CAST: variants seen among roughly 807,000 people sequenced by gnomAD.
CAST encodes the protein calpastatin, also known as MIR583 host.
A neutral mutation model predicts 119.6 loss-of-function variants in CAST; 76 were observed. The observed-to-expected ratio is 0.64, with a 90% CI of 0.53 to 0.77. The LOEUF (loss-of-function observed/expected upper bound fraction) is 0.77, where lower values mean the gene tolerates loss of function less well. Among genes scored for constraint, CAST ranks in the 30% least tolerant of loss-of-function variants. The pLI, the probability that CAST is intolerant of heterozygous loss-of-function variation, is 0.00. For missense variants in CAST, 953 were observed against 946.5 expected, an observed-to-expected ratio of 1.01 and a Z score of -0.09; for synonymous variants, 319 against 331.6, an observed-to-expected ratio of 0.96 and a Z score of 0.41.
intron 1 of CAST, among the ~76,000 whole-genome samples, chr5:96,648,844 C>T (rs1377498041): frequency 1.3e-5 from 2 of 152,038 alleles, no homozygotes; most frequent in Non-Finnish European, 2.9e-5. Flanking sequence ...CTCTGAGACG[C>T]CTACTCAGTA....
intron 1 of CAST, among the ~76,000 whole-genome samples, chr5:96,614,806 G>A (rs1054119284): frequency 1.5e-4 from 23 of 152,018 alleles, no homozygotes; most frequent in African/African-American, 5.6e-4. Flanking sequence ...ATCTTGTACT[G>A]CTCCCACCCT....
chr5:96,199,848 C>T, the CAST span, among the ~76,000 whole-genome samples: 1 of 152,114 alleles, frequency 6.6e-6, no homozygotes, highest in South Asian at 2.1e-4. Flanking sequence ...ATATTTTTCT[C>T]TCTCAGCTTG....
intron 2 of CAST, among the ~76,000 whole-genome samples, chr5:96,678,999 A>G (rs941944973): frequency 2.6e-5 from 4 of 151,864 alleles, no homozygotes; most frequent in Non-Finnish European, 5.9e-5. Flanking sequence ...TACCTGCAGC[A>G]ATTTTATTTT....
the CAST span, among the ~76,000 whole-genome samples, chr5:96,405,197 T>C: frequency 6.6e-6 from 1 of 152,214 alleles, no homozygotes; most frequent in Non-Finnish European, 1.5e-5. Flanking sequence ...GTCATACTTA[T>C]CTTACTGATG....
At chr5:96,063,862 C>T in the CAST span, among the ~76,000 whole-genome samples, 21 of 152,270 alleles carry the variant, frequency 1.4e-4, no homozygotes, top group Admixed American at 3.9e-4. Flanking sequence ...TGAGATTTAT[C>T]ATTCTGCCTC....
At chr5:96,033,937 A>G in the CAST span, among the ~76,000 whole-genome samples, 2 of 152,160 alleles carry the variant, frequency 1.3e-5, no homozygotes, top group African/African-American at 2.4e-5. Context: ...TAAAGAAATA[A>G]TTCAAACAAC....
At chr5:96,055,509 C>T in the CAST span, among the ~76,000 whole-genome samples, 1 of 152,104 alleles carries the variant, frequency 6.6e-6, no homozygotes, top group Non-Finnish European at 1.5e-5. Context: ...TATTTCAGGT[C>T]TGTATTCAAT....
the CAST span, among the ~76,000 whole-genome samples, chr5:96,246,711 G>T: frequency 1.0e-3 from 157 of 152,198 alleles, 2 homozygotes; most frequent in South Asian, 0.032. Context: ...CAAATTGCCA[G>T]CTTCACTCCC....
the CAST span, among the ~76,000 whole-genome samples, chr5:96,144,911 T>C: frequency 3.3e-5 from 5 of 152,106 alleles, no homozygotes; most frequent in African/African-American, 1.2e-4. Context: ...CCGAACACTT[T>C]GCTGGGTTCT....
chr5:96,764,421 G>A (rs1346115862), intron 25 of CAST, among the ~76,000 whole-genome samples: 1 of 152,136 alleles, frequency 6.6e-6, no homozygotes, highest in Non-Finnish European at 1.5e-5. Flanking sequence ...TGATATTGTT[G>A]TCCATAATTT....
the CAST span, among the ~76,000 whole-genome samples, chr5:96,205,669 A>G: frequency 1.3e-5 from 2 of 152,126 alleles, no homozygotes; most frequent in Non-Finnish European, 2.9e-5. Flanking sequence ...ATGGCTGTGT[A>G]GTATTCTATG....
chr5:96,478,838 C>T, the CAST span, among the ~76,000 whole-genome samples: 4 of 152,204 alleles, frequency 2.6e-5, no homozygotes, highest in Admixed American at 6.5e-5. Context: ...AAGCTCAACT[C>T]GGCCACTGCA....
chr5:96,627,475 A>G (rs555827925), intron 1 of CAST, among the ~76,000 whole-genome samples: 3 of 152,340 alleles, frequency 2.0e-5, no homozygotes, highest in African/African-American at 7.2e-5. Flanking sequence ...TTTCTCTCTC[A>G]AATACCATTA....
At chr5:96,695,707 C>A in intron 2 of CAST, 129 bp from the exon 3 acceptor site, 1 of 548,788 alleles carries the variant, frequency 1.8e-6, no homozygotes. Flanking sequence ...CATATGTTTA[C>A]TTTGGGTGTG....
chr5:95,987,304 CTT>C, the CAST span, among the ~76,000 whole-genome samples: 1 of 152,058 alleles, frequency 6.6e-6, no homozygotes. Context: ...CTCTCTCTCT[CTT>C]TCAGCACTAA....
chr5:95,970,140 A>G, the CAST span: 2 of 152,106 alleles, frequency 1.3e-5, no homozygotes, highest in Non-Finnish European at 2.9e-5. Context: ...GAGTGAAGGA[A>G]AAAGCTTTGG....
chr5:96,745,820 C>T (rs1763644460), intron 16 of CAST, among the ~76,000 whole-genome samples: 3 of 152,132 alleles, frequency 2.0e-5, no homozygotes, highest in Non-Finnish European at 2.9e-5. Flanking sequence ...TGTGATGGGC[C>T]GCTTCTCCCA....
At chr5:96,473,673 G>A in the CAST span, among the ~76,000 whole-genome samples, 2 of 152,310 alleles carry the variant, frequency 1.3e-5, no homozygotes, top group East Asian at 1.9e-4. Context: ...CACCTGGTAG[G>A]CTTCTCCTTA....
At position 96,771,625 on chromosome 5, in the gene CAST, G is replaced by A. The variant is rs199866388; in HGVS notation, c.2341-19G>A. 1,770 of 1,607,432 alleles carry A rather than the reference G, an allele frequency of 1.1e-3. 2 individuals carry two copies. Among genetic ancestry groups the A allele is most frequent in the Non-Finnish European group, 1.3e-3 (1,498 of 1,174,766 alleles). On this transcript the variant is annotated intron_variant, in intron 30 of 31. Coordinates refer to ENST00000675179, the MANE Select transcript of CAST (RefSeq NM_001750.7). Reference sequence around the variant, plus strand: ...ATACAGAAAAGAAAGCTCACGGATGGTTTTGCTTTCCCTTTTAGACAACAG... The same window carrying A: ...ATACAGAAAAGAAAGCTCACGGATGATTTTGCTTTCCCTTTTAGACAACAG...
Sources: allele counts gnomAD v4.1 joint callset (sites outside exome capture counted in the v4.1 genomes callset), GRCh38; gene constraint gnomAD v4.1.1; transcripts MANE v1.5; gene names NCBI Gene and HGNC (gene_info 2026-07-23, HGNC 2026-07-21).